The following MBD5 variants were observed in gnomAD, a reference collection of about 807,000 sequenced individuals.
The protein encoded by MBD5 is methyl-CpG binding domain protein 5, also known as methyl-CpG-binding domain protein 5.
In MBD5, 13 loss-of-function variants were observed where a neutral mutation model predicts 117.3. The observed-to-expected ratio is 0.11, with a 90% CI of 0.07 to 0.18. The LOEUF (loss-of-function observed/expected upper bound fraction) is 0.18. Ranked by LOEUF, MBD5 falls within the 10% of genes least tolerant of loss-of-function variation. The pLI, the probability that MBD5 is intolerant of heterozygous loss-of-function variation, is 1.00. For missense variants in MBD5, 1,879 were observed against 2,093.8 expected (o/e 0.90, Z 2.00); for synonymous variants, 727 against 766.4 (o/e 0.95, Z 0.85).
chr2:148,421,342 T>C (rs1705599737), intron 4 of MBD5, among the ~76,000 whole-genome samples: 1 of 152,132 alleles, frequency 6.6e-6, no homozygotes, highest in Admixed American at 6.5e-5. Flanking sequence ...TTCCCTCCCC[T>C]AGCCAAGGGA....
chr2:148,030,231 T>C (rs1694001188), intron 1 of MBD5, among the ~76,000 whole-genome samples: 1 of 151,858 alleles, frequency 6.6e-6, no homozygotes, highest in African/African-American at 2.4e-5. Context: ...GCAGAGATCA[T>C]GCCACTGCAC....
chr2:148,046,710 A>C (rs1000409314), intron 1 of MBD5, among the ~76,000 whole-genome samples: 1 of 152,138 alleles, frequency 6.6e-6, no homozygotes, highest in African/African-American at 2.4e-5. Flanking sequence ...CCTTGACTAG[A>C]GAATGGTAGT....
intron 2 of MBD5, among the ~76,000 whole-genome samples, chr2:148,230,488 A>G (rs992637178): frequency 1.3e-5 from 2 of 152,008 alleles, no homozygotes; most frequent in Non-Finnish European, 2.9e-5. Flanking sequence ...ATTCTATTCA[A>G]TAGCCAAGTC....
chr2:148,021,286 A>C lies in MBD5; in HGVS notation c.-1323A>C. Reference sequence around the variant, plus strand: ...TCCAGCCCTGAGCCCTGAGAGGGGGATTGAGCCTGAGAGAGGAGAAGGAGT... The same window carrying C: ...TCCAGCCCTGAGCCCTGAGAGGGGGCTTGAGCCTGAGAGAGGAGAAGGAGT... On this transcript the variant is annotated 5_prime_UTR_variant, in exon 1 of 14. Coordinates refer to ENST00000642680, the MANE Select transcript of MBD5 (RefSeq NM_001378120.1). The C allele has an allele frequency of 2.8e-6, 1 of 356,496 alleles. No individual in the cohort carries two copies. Among genetic ancestry groups the C allele is most frequent in the East Asian group, 6.9e-5 (1 of 14,454 alleles). 22.1% of individuals were successfully genotyped at this position (356,496 alleles called of 1,614,324 possible). A position where few individuals can be genotyped will look rare whatever the true frequency, so the allele number is the denominator to read the frequency against.
intron 2 of MBD5, among the ~76,000 whole-genome samples, chr2:148,195,062 A>C (rs1255459832): frequency 6.6e-6 from 1 of 152,220 alleles, no homozygotes; most frequent in Non-Finnish European, 1.5e-5. Flanking sequence ...AATGTAAACA[A>C]GTAGGTATGT....
chr2:148,314,211 T>C (rs1702101419), intron 3 of MBD5, among the ~76,000 whole-genome samples: 1 of 151,886 alleles, frequency 6.6e-6, no homozygotes, highest in African/African-American at 2.4e-5. Flanking sequence ...ACATATCATC[T>C]CACAATTCCT....
intron 10 of MBD5, among the ~76,000 whole-genome samples, chr2:148,486,736 TAAC>T (rs1237340599): frequency 6.6e-6 from 1 of 152,020 alleles, no homozygotes; most frequent in African/African-American, 2.4e-5. Flanking sequence ...AACATGAAAA[TAAC>T]AATCAGAGTT....
chr2:148,510,250 C>G, intron 13 of MBD5, 115 bp downstream of exon 13: 1 of 724,250 alleles, frequency 1.4e-6, no homozygotes, highest in South Asian at 1.7e-5. Context: ...TACTAAATTA[C>G]TAGCCTAGAA....
chr2:148,342,534 A>G (rs1463785115), intron 4 of MBD5, among the ~76,000 whole-genome samples, 198 bp downstream of exon 4: 1 of 151,960 alleles, frequency 6.6e-6, no homozygotes, highest in Non-Finnish European at 1.5e-5. Context: ...CTATTTTTTA[A>G]AAAAAAGAAT....
chr2:148,308,981 T>C (rs1053352070), intron 3 of MBD5, among the ~76,000 whole-genome samples: 1 of 152,190 alleles, frequency 6.6e-6, no homozygotes, highest in Non-Finnish European at 1.5e-5. Flanking sequence ...TGGCATGATT[T>C]CTGAGGCCTC....
chr2:148,242,386 A>G (rs1246751723), intron 3 of MBD5, among the ~76,000 whole-genome samples: 1 of 151,742 alleles, frequency 6.6e-6, no homozygotes, highest in African/African-American at 2.4e-5. Context: ...ACATATATAT[A>G]TATATTCATT....
chr2:148,043,914 C>G (rs1694445327), intron 1 of MBD5, among the ~76,000 whole-genome samples: 1 of 152,152 alleles, frequency 6.6e-6, no homozygotes, highest in South Asian at 2.1e-4. Flanking sequence ...ATACATCAGA[C>G]TGGGATTTTC....
At chr2:148,346,792 G>A (rs1385165403) in intron 4 of MBD5, 2 of 151,056 alleles carry the variant, frequency 1.3e-5, no homozygotes, top group South Asian at 2.1e-4. Flanking sequence ...CTTTATTTTT[G>A]TTATATAATG....
At chr2:148,030,849 C>A (rs1694019562) in intron 1 of MBD5, among the ~76,000 whole-genome samples, 1 of 152,098 alleles carries the variant, frequency 6.6e-6, no homozygotes, top group Non-Finnish European at 1.5e-5. Flanking sequence ...ATAGTATTGG[C>A]TAACAGTCAT....
intron 1 of MBD5, among the ~76,000 whole-genome samples, chr2:148,093,234 T>C (rs1207763619): frequency 6.6e-6 from 1 of 152,110 alleles, no homozygotes; most frequent in African/African-American, 2.4e-5. Context: ...TAAACTAATA[T>C]CCTAGAAACT....
intron 11 of MBD5, among the ~76,000 whole-genome samples, chr2:148,500,276 A>G (rs1681831286): frequency 6.6e-6 from 1 of 151,886 alleles, no homozygotes; most frequent in Non-Finnish European, 1.5e-5. Flanking sequence ...TATTTTATAT[A>G]TGTGTGTGTA....
intron 1 of MBD5, among the ~76,000 whole-genome samples, chr2:148,041,055 G>A (rs1022862528): frequency 6.6e-6 from 1 of 152,028 alleles, no homozygotes; most frequent in Non-Finnish European, 1.5e-5. Context: ...CTCAACCTCC[G>A]GGCTTAAGTG....
chr2:148,494,614 G>A (rs747393996), intron 11 of MBD5, among the ~76,000 whole-genome samples: 22 of 152,202 alleles, frequency 1.4e-4, no homozygotes, highest in Non-Finnish European at 3.1e-4. Flanking sequence ...TACCACTCAG[G>A]AAGTGCTATC....
At chr2:148,199,321 G>A (rs1376334872) in intron 2 of MBD5, among the ~76,000 whole-genome samples, 1 of 151,990 alleles carries the variant, frequency 6.6e-6, no homozygotes, top group African/African-American at 2.4e-5. Context: ...TATCCAATTG[G>A]GGCAGAAAAC....
Sources: allele counts gnomAD v4.1 joint callset (sites outside exome capture counted in the v4.1 genomes callset), GRCh38; gene constraint gnomAD v4.1.1; transcripts MANE v1.5; gene names NCBI Gene and HGNC (gene_info 2026-07-23, HGNC 2026-07-21).